The following KCND2 variants were observed in gnomAD, a reference collection of about 807,000 sequenced individuals.
The protein encoded by KCND2 is potassium voltage-gated channel subfamily D member 2, also known as A-type voltage-gated potassium channel KCND2.
A neutral mutation model predicts 54.4 loss-of-function variants in KCND2; 16 were observed. That is an observed-to-expected ratio of 0.29 (90% CI 0.20 to 0.45). The LOEUF is 0.45. Ranked by LOEUF, KCND2 falls within the 20% of genes least tolerant of loss-of-function variation. KCND2 has a pLI of 1.00. For missense variants in KCND2, 486 were observed against 824.2 expected, an observed-to-expected ratio of 0.59 and a Z score of 5.02; for synonymous variants, 317 against 310.7, an observed-to-expected ratio of 1.02 and a Z score of -0.21.
chr7:120,702,390 C>T (rs895244263), intron 1 of KCND2, among the ~76,000 whole-genome samples: 1 of 152,036 alleles, frequency 6.6e-6, no homozygotes. Flanking sequence ...GGTGATTTCT[C>T]AAAGAGCTAA....
intron 2 of KCND2, among the ~76,000 whole-genome samples, chr7:120,740,672 C>G (rs1792928716): frequency 6.6e-6 from 1 of 152,060 alleles, no homozygotes; most frequent in Non-Finnish European, 1.5e-5. Flanking sequence ...CTAACTGTAA[C>G]TTAAAGGAAC....
chr7:120,445,175 A>G (rs952244744), intron 1 of KCND2, among the ~76,000 whole-genome samples: 1 of 152,214 alleles, frequency 6.6e-6, no homozygotes, highest in African/African-American at 2.4e-5. Context: ...GACAAATGAC[A>G]GTCATATTCA....
intron 1 of KCND2, among the ~76,000 whole-genome samples, chr7:120,488,014 A>G (rs546580384): frequency 2.0e-5 from 3 of 151,870 alleles, no homozygotes; most frequent in Non-Finnish European, 4.4e-5. Flanking sequence ...AACCCCATCT[A>G]TACAAAAAAA....
At chr7:120,629,608 A>C (rs1025565805) in intron 1 of KCND2, among the ~76,000 whole-genome samples, 3 of 152,230 alleles carry the variant, frequency 2.0e-5, no homozygotes, top group African/African-American at 7.2e-5. Context: ...ACATATTAGA[A>C]ATGAATTGCT....
intron 1 of KCND2, among the ~76,000 whole-genome samples, chr7:120,428,095 A>C (rs1378824438): frequency 6.6e-6 from 1 of 152,192 alleles, no homozygotes; most frequent in Non-Finnish European, 1.5e-5. Flanking sequence ...TATTATAATC[A>C]CTTGAACATA....
intron 1 of KCND2, among the ~76,000 whole-genome samples, chr7:120,391,766 TG>T (rs1273175238): frequency 6.6e-6 from 1 of 152,132 alleles, no homozygotes; most frequent in East Asian, 1.9e-4. Flanking sequence ...TGTGGTTGTT[TG>T]TTTTTTTCTT....
At chr7:120,376,066 T>C (rs1404557310) in intron 1 of KCND2, among the ~76,000 whole-genome samples, 1 of 151,818 alleles carries the variant, frequency 6.6e-6, no homozygotes, top group Non-Finnish European at 1.5e-5. Context: ...TCAATATCCT[T>C]TGCTTATCTC....
intron 1 of KCND2, among the ~76,000 whole-genome samples, chr7:120,289,925 T>C (rs982860931): frequency 3.9e-5 from 6 of 152,122 alleles, no homozygotes; most frequent in Non-Finnish European, 7.4e-5. Context: ...TTTTAATAAG[T>C]AGTTTCGAAG....
chr7:120,351,365 TACAC>T (rs59756091), intron 1 of KCND2, among the ~76,000 whole-genome samples: 12,221 of 94,420 alleles, frequency 0.13, 991 homozygotes, highest in East Asian at 0.48. Context: ...TCGAAGAGCA[TACAC>T]ACACACACAC....
At chr7:120,569,975 A>C (rs1792342481) in intron 1 of KCND2, among the ~76,000 whole-genome samples, 1 of 152,140 alleles carries the variant, frequency 6.6e-6, no homozygotes, top group South Asian at 2.1e-4. Context: ...AAAACAAAAC[A>C]AAAAAACACT....
rs1056284369 is a variant in KCND2 at position 120,284,286 on chromosome 7, CAT to C, written c.1115+8540_1115+8541del. On this transcript the variant is annotated intron_variant, in intron 1 of 5. Coordinates refer to ENST00000331113, the MANE Select transcript of KCND2 (RefSeq NM_012281.3). ...ATTCATGGGGGCTAACACACACACA[CAT>C]GCACACGCACACACACACACGCGCG... is the stretch of plus-strand genomic sequence containing the variant. Among the ~76,000 whole-genome samples, 31 of 152,126 alleles carry C rather than the reference CAT, an allele frequency of 2.0e-4. 1 individual carries two copies. Among genetic ancestry groups the C allele is most frequent in the African/African-American group, 7.2e-4 (30 of 41,490 alleles).
At chr7:120,414,932 T>C (rs1441165221) in intron 1 of KCND2, among the ~76,000 whole-genome samples, 1 of 152,166 alleles carries the variant, frequency 6.6e-6, no homozygotes, top group Non-Finnish European at 1.5e-5. Context: ...TGGATCATCA[T>C]GTCAATAAGT....
chr7:120,363,496 C>G (rs561131894), intron 1 of KCND2, among the ~76,000 whole-genome samples: 1 of 152,202 alleles, frequency 6.6e-6, no homozygotes, highest in South Asian at 2.1e-4. Flanking sequence ...TCTGATACCT[C>G]ATGTAATCTA....
At chr7:120,682,122 A>G (rs1207326935) in intron 1 of KCND2, among the ~76,000 whole-genome samples, 3 of 152,074 alleles carry the variant, frequency 2.0e-5, no homozygotes, top group Non-Finnish European at 2.9e-5. Context: ...GAACTTATTC[A>G]TTTGATCAAT....
chr7:120,422,762 G>A (rs1801645321), intron 1 of KCND2, among the ~76,000 whole-genome samples: 1 of 152,144 alleles, frequency 6.6e-6, no homozygotes, highest in African/African-American at 2.4e-5. Flanking sequence ...GTAGCTCCAA[G>A]GGCAGCCAAC....
chr7:120,334,122 A>G (rs1287514222), intron 1 of KCND2, among the ~76,000 whole-genome samples: 1 of 152,178 alleles, frequency 6.6e-6, no homozygotes, highest in Non-Finnish European at 1.5e-5. Flanking sequence ...GAGGAACATA[A>G]GAAAACCTGA....
chr7:120,365,360 G>T (rs977160512), intron 1 of KCND2, among the ~76,000 whole-genome samples: 11 of 152,064 alleles, frequency 7.2e-5, no homozygotes, highest in African/African-American at 2.7e-4. Context: ...TAGGCAGAAA[G>T]TTAAGACCAA....
At chr7:120,502,587 G>C (rs1295336006) in intron 1 of KCND2, among the ~76,000 whole-genome samples, 2 of 152,038 alleles carry the variant, frequency 1.3e-5, no homozygotes, top group Non-Finnish European at 2.9e-5. Context: ...TTGGTGTGCA[G>C]TGTCTTGCCC....
chr7:120,282,199 AAAAAGCC>A (rs1452188271), intron 1 of KCND2, among the ~76,000 whole-genome samples: 1 of 152,172 alleles, frequency 6.6e-6, no homozygotes, highest in Non-Finnish European at 1.5e-5. Flanking sequence ...CGAGTAGCTT[AAAAAGCC>A]CATGGGTCAA....
Sources: gnomAD v4.1 joint callset for allele counts (sites outside exome capture counted in the v4.1 genomes callset) on GRCh38, gnomAD v4.1.1 for gene constraint, MANE v1.5 for transcripts, NCBI Gene and HGNC (gene_info 2026-07-23, HGNC 2026-07-21) for gene names.